Variants in ADGRG1 observed in about 807,000 individuals in gnomAD.
ADGRG1 encodes adhesion G protein-coupled receptor G1.
ADGRG1 carries 53 observed loss-of-function variants against 73.5 expected under a neutral mutation model. The ratio of observed to expected loss-of-function variants is 0.72; its 90% CI spans 0.58 to 0.91. The LOEUF (loss-of-function observed/expected upper bound fraction) is 0.91, where lower values mean the gene tolerates loss of function less well. Ranked by LOEUF, ADGRG1 falls within the 40% of genes least tolerant of loss-of-function variation. The pLI is 0.00. For missense variants in ADGRG1, 795 were observed against 871.8 expected (o/e 0.91, Z 1.11); for synonymous variants, 394 against 374.4 (o/e 1.05, Z -0.60).
chr16:57,632,229 G>A (rs1459320080), intron 1 of ADGRG1: 1 of 985,328 alleles, frequency 1.0e-6, no homozygotes, highest in South Asian at 4.7e-5. Context: ...ACATGCTCGT[G>A]TCTTGAACCC....
upstream of ADGRG1, chr16:57,626,914 G>A (rs1449263944): frequency 8.1e-6 from 8 of 985,304 alleles, no homozygotes; most frequent in Non-Finnish European, 9.6e-6. Context: ...TGGGCCCCCA[G>A]TGTAGGCTGG....
In ADGRG1 at chr16:57,654,018, C is replaced by T. The variant is rs2044818471; in HGVS notation, c.653C>T (p.Ser218Phe). 1.4e-5 allele frequency: 22 copies of T among 1,614,118 alleles called. No homozygotes were observed. Among genetic ancestry groups the T allele is most frequent in the Non-Finnish European group, 1.9e-5 (22 of 1,180,030 alleles). ...QLQSLESKLTSVRFMGDMVSF... is the reference protein window; with the variant it reads ...QLQSLESKLTFVRFMGDMVSF... The stretch of plus-strand genomic sequence containing the variant: ...CAGAGCCTGGAGTCGAAACTGACCT[C>T]TGTGAGATTCATGGGGGACATGGTG... Residue 218 changes from serine (S) to phenylalanine (F), a missense_variant, in exon 5 of 14, where the codon TCT becomes TTT. Coordinates refer to ENST00000562631, the MANE Select transcript of ADGRG1 (RefSeq NM_201525.4).
chr16:57,627,535 T>G (rs1298613936), upstream of ADGRG1, among the ~76,000 whole-genome samples: 1 of 152,192 alleles, frequency 6.6e-6, no homozygotes, highest in Non-Finnish European at 1.5e-5. Context: ...CAGGGAGTAT[T>G]TATTGAGGGC....
At chr16:57,623,281 C>T (rs567813449), upstream of ADGRG1, 35 of 971,340 alleles carry the variant, frequency 3.6e-5, no homozygotes, top group Non-Finnish European at 4.2e-5. Flanking sequence ...CAGGTGTGGA[C>T]GCAGGAGCCC....
chr16:57,659,913 A>G lies in ADGRG1; in HGVS notation c.1555+232A>G, dbSNP rs78751615. ...TTCTCCACATCACTCACTCCATTGC[A>G]AAGGGGATTTACGAGCAGGGCCACC... On this transcript the variant is annotated intron_variant, in intron 11 of 13. Coordinates refer to ENST00000562631, the MANE Select transcript of ADGRG1 (RefSeq NM_201525.4). 2.7e-3 allele frequency among the ~76,000 whole-genome samples: 414 copies of G among 152,292 alleles called. 2 individuals are homozygous for G. The highest frequency in any genetic ancestry group is 9.5e-3 in the African/African-American group (394 of 41,558).
At chr16:57,639,734 C>A in intron 1 of ADGRG1, 1 of 859,148 alleles carries the variant, frequency 1.2e-6, no homozygotes, top group Non-Finnish European at 1.4e-6. Flanking sequence ...CCTCTCCCTG[C>A]TCCCCGCTTC....
At chr16:57,633,581 G>T in intron 1 of ADGRG1, 1 of 880,984 alleles carries the variant, frequency 1.1e-6, no homozygotes, top group Non-Finnish European at 1.4e-6. Context: ...TTCTGTCCCA[G>T]CTCTACTGGC....
rs2046384792 is a variant in ADGRG1, at chr16:57,658,935, A to G, written c.1287-478A>G. 3.1e-6 allele frequency: 3 copies of G among 982,366 alleles called. 1 individual carries two copies. Among genetic ancestry groups the G allele is most frequent in the Non-Finnish European group, 3.6e-6 (3 of 827,550 alleles). 60.9% of individuals were successfully genotyped at this position (982,366 alleles called of 1,614,324 possible). ...TCTGCTGCACCCTCTAGGGCCATGT[A>G]GAATCCTGGAGTGGGGGTGGGGTGG... On this transcript the variant is annotated intron_variant, in intron 10 of 13. Transcript: ENST00000562631.
In ADGRG1 at chr16:57,651,598, G is replaced by A. The variant is rs199910467; in HGVS notation, c.463G>A (p.Ala155Thr). Residue 155 changes from alanine (A) to threonine (T), a missense_variant, in exon 3 of 14, where the codon GCC becomes ACC. Ala to Thr is a moderately conservative substitution (Grantham distance 58, BLOSUM62 0). Transcript: ENST00000562631. ...TCAGAACATCAGCCTGCCCAGTGCC[G>A]CCAGCTTCACCTTCTCCTTCCACAG... ...SPQNISLPSA[A>T]SFTFSFHSPP... 1.5e-5 allele frequency: 25 copies of A among 1,613,678 alleles called. No homozygotes were observed. Among genetic ancestry groups the A allele is most frequent in the South Asian group, 1.1e-4 (10 of 91,078 alleles).
chr16:57,663,727 A>G lies in ADGRG1; in HGVS notation c.*145A>G, dbSNP rs1252324382. 4 of 893,678 alleles carry G rather than the reference A, an allele frequency of 4.5e-6. No individual in the cohort carries two copies. The highest frequency in any genetic ancestry group is 2.1e-5 in the Admixed American group (1 of 48,432). 55.4% of individuals were successfully genotyped at this position (893,678 alleles called of 1,614,324 possible). ...GACCATGGAGAGATGGGCCGTTGCCATGGTGGACGGACTCCCGGGCTGGGC... is the reference window on the plus strand; with the variant it reads ...GACCATGGAGAGATGGGCCGTTGCCGTGGTGGACGGACTCCCGGGCTGGGC... On this transcript the variant is annotated 3_prime_UTR_variant, in exon 14 of 14. Transcript: ENST00000562631.
chr16:57,663,412 G>A (rs1305534025), intron 13 of ADGRG1, 40 bp from the exon 14 acceptor site: 1 of 1,611,210 alleles, frequency 6.2e-7, no homozygotes, highest in Non-Finnish European at 8.5e-7. Flanking sequence ...ATGGGGTGGG[G>A]CTCCCCCACC....
At position 57,663,744 on chromosome 16, in the gene ADGRG1, G is replaced by A. The variant is rs1444759649; in HGVS notation, c.*162G>A. On this transcript the variant is annotated 3_prime_UTR_variant, in exon 14 of 14. Transcript: ENST00000562631. ...CCGTTGCCATGGTGGACGGACTCCC[G>A]GGCTGGGCTTTTGAATTGGCCTTGG... The A allele has an allele frequency of 5.1e-5, 40 of 778,992 alleles. 1 individual carries two copies. Among genetic ancestry groups the A allele is most frequent in the East Asian group, 2.7e-4 (10 of 37,292 alleles). 48.3% of individuals were successfully genotyped at this position (778,992 alleles called of 1,614,324 possible).
At chr16:57,647,059 G>T (rs1253092573) in intron 1 of ADGRG1, 13 of 957,420 alleles carry the variant, frequency 1.4e-5, no homozygotes, top group African/African-American at 1.8e-5. Context: ...CATCCCTGGC[G>T]CCTGGGTGGG....
chr16:57,624,796 C>G, upstream of ADGRG1: 2 of 718,252 alleles, frequency 2.8e-6, no homozygotes, highest in Non-Finnish European at 3.4e-6. Flanking sequence ...CCCCGGCAGC[C>G]TCCTCTCTAC....
rs750232226 is a variant in ADGRG1 at position 57,653,262 on chromosome 16, C to A, written c.547C>A (p.Leu183Ile). Residue 183 changes from leucine (L) to isoleucine (I), a missense_variant, in exon 4 of 14, where the codon CTC (leucine) becomes ATC (isoleucine). Transcript: ENST00000562631. ...SVDMCELKRDLQLLSQFLKHP... is the reference protein window; with the variant it reads ...SVDMCELKRDIQLLSQFLKHP... ...GGACATGTGCGAGCTCAAAAGGGAC[C>A]TCCAGCTGCTCAGCCAGTTCCTGAA... 1.9e-6 allele frequency: 3 copies of A among 1,612,922 alleles called. No homozygotes were observed. The Admixed American group carries it at 5.0e-5, about 27-fold the overall frequency.
chr16:57,655,079 C>A, intron 5 of ADGRG1: 1 of 985,264 alleles, frequency 1.0e-6, no homozygotes, highest in African/African-American at 1.7e-5. Flanking sequence ...ACCACCCACA[C>A]TGCCCACATG....
chr16:57,646,787 G>T, intron 1 of ADGRG1: 1 of 853,208 alleles, frequency 1.2e-6, no homozygotes, highest in Non-Finnish European at 1.4e-6. Flanking sequence ...GTAGCAGTGA[G>T]ACCCGTATCA....
At position 57,659,517 on chromosome 16, in the gene ADGRG1, G is replaced by T; in HGVS notation, c.1391G>T (p.Gly464Val). The change falls in exon 11 of 14, where the codon GGC (glycine) becomes GTC (valine). Residue 464 changes from glycine to valine, a missense_variant. Gly to Val is a moderately radical substitution (Grantham distance 109). Transcript: ENST00000562631. ...CTCAGCGAGCCGGTGGCCCTGACAGGCTCTGAGGCTGGCTGCCGAGCCAGT... is the reference window on the plus strand; with the variant it reads ...CTCAGCGAGCCGGTGGCCCTGACAGTCTCTGAGGCTGGCTGCCGAGCCAGT... ...FLLSEPVALTGSEAGCRASAI... is the reference protein window; with the variant it reads ...FLLSEPVALTVSEAGCRASAI... 1 of 1,614,046 alleles carries T rather than the reference G, an allele frequency of 6.2e-7. No homozygotes were observed. The highest frequency in any genetic ancestry group is 8.5e-7 in the Non-Finnish European group (1 of 1,180,006).
chr16:57,653,955 A>C, intron 4 of ADGRG1, 31 bp from the exon 5 acceptor site: 1 of 1,612,026 alleles, frequency 6.2e-7, no homozygotes, highest in Non-Finnish European at 8.5e-7. Context: ...CCCCCTCCCC[A>C]CCATCACCAC....
Sources: allele counts gnomAD v4.1 joint callset (sites outside exome capture counted in the v4.1 genomes callset), GRCh38; gene constraint gnomAD v4.1.1; transcripts MANE v1.5; gene names NCBI Gene and HGNC (gene_info 2026-07-23, HGNC 2026-07-21).